DAB1: variants seen among roughly 807,000 people sequenced by gnomAD.
DAB1 encodes DAB adaptor protein 1.
A neutral mutation model predicts 64.6 loss-of-function variants in DAB1; 15 were observed. The observed-to-expected ratio is 0.23, with a 90% CI of 0.16 to 0.36. The LOEUF is 0.36. Ranked by LOEUF, DAB1 falls within the 10% of genes least tolerant of loss-of-function variation. The pLI is 1.00. For synonymous variants in DAB1, 235 were observed against 251.9 expected, an observed-to-expected ratio of 0.93 and a Z score of 0.64; for missense variants, 596 against 706.7, an observed-to-expected ratio of 0.84 and a Z score of 1.78.
intron 5 of DAB1, among the ~76,000 whole-genome samples, chr1:58,032,177 A>G (rs72667917): frequency 0.11 from 16,681 of 152,112 alleles, 1,276 homozygotes; most frequent in Admixed American, 0.25. Context: ...GCATTTTAAC[A>G]AGACGCCAGG....
rs1373065757 is a variant in DAB1 at position 57,620,381 on chromosome 1, T to A, written n.625+29211A>T. On this transcript the variant is annotated intron_variant and non_coding_transcript_variant, in intron 7 of 20. Coordinates refer to the DAB1 transcript ENST00000485760. Reference sequence around the variant, plus strand: ...GGGTTAAACGAGAATGATAGGTCCCTCTGGACTTGTTTCCAGGACTCCAGG... The same window carrying A: ...GGGTTAAACGAGAATGATAGGTCCCACTGGACTTGTTTCCAGGACTCCAGG... 2.6e-5 allele frequency among the ~76,000 whole-genome samples: 4 copies of A among 152,228 alleles called. No homozygotes were observed. In the East Asian group the frequency reaches 7.7e-4, roughly 29 times the overall value.
chr1:58,030,801 C>T (rs561049377), intron 5 of DAB1, among the ~76,000 whole-genome samples: 1 of 152,332 alleles, frequency 6.6e-6, no homozygotes, highest in African/African-American at 2.4e-5. Context: ...AGACATCAGC[C>T]TTTCATTCAT....
upstream of DAB1, among the ~76,000 whole-genome samples, chr1:57,885,339 T>G (rs1644206095): frequency 6.6e-6 from 1 of 152,222 alleles, no homozygotes; most frequent in African/African-American, 2.4e-5. Context: ...ACCACAGCTA[T>G]GAAGGGCAGA....
intron 1 of DAB1, among the ~76,000 whole-genome samples, chr1:57,869,327 A>G (rs2101954146): frequency 6.6e-6 from 1 of 152,266 alleles, no homozygotes; most frequent in East Asian, 1.9e-4. Flanking sequence ...TTGGAATGGA[A>G]GTTTCCTACA....
intron 10 of DAB1, among the ~76,000 whole-genome samples, chr1:57,024,717 T>G (rs1646731030): frequency 6.6e-6 from 1 of 152,206 alleles, no homozygotes; most frequent in African/African-American, 2.4e-5. Flanking sequence ...TCTCTGGGAC[T>G]CAGTTTGCTC....
At chr1:57,315,377 T>A (rs1473306995) in intron 1 of DAB1, among the ~76,000 whole-genome samples, 1 of 152,210 alleles carries the variant, frequency 6.6e-6, no homozygotes, top group Admixed American at 6.5e-5. Flanking sequence ...GCCACTGCAA[T>A]GAATATAGCA....
chr1:58,129,318 T>A (rs1427543768), intron 5 of DAB1, among the ~76,000 whole-genome samples: 1 of 150,592 alleles, frequency 6.6e-6, no homozygotes, highest in East Asian at 2.0e-4. Context: ...CTTTATCATT[T>A]TTTATTGTGT....
rs67005172 is a variant in DAB1, at chr1:57,812,319, C to CA, written n.551+71679dup. Among the ~76,000 whole-genome samples, 541 of 100,988 alleles carry CA rather than the reference C, an allele frequency of 5.4e-3. 2 individuals carry two copies. The highest frequency in any genetic ancestry group is 0.019 in the Middle Eastern group (4 of 214). The allele number at this position is 100,988 out of a possible 152,430, so 66.3% of individuals were successfully genotyped here. A position where few individuals can be genotyped will look rare whatever the true frequency, so the allele number is the denominator to read the frequency against. On this transcript the variant is annotated intron_variant and non_coding_transcript_variant, in intron 6 of 20. Transcript: ENST00000485760. ...AAACACACAACCTGGGATTCATTGC[C>CA]AAAAAAAAAAAAAAAAAAAGAAAGA...
intron 11 of DAB1, among the ~76,000 whole-genome samples, chr1:57,022,520 A>T (rs1035431426): frequency 6.6e-6 from 1 of 152,220 alleles, no homozygotes; most frequent in Non-Finnish European, 1.5e-5. Context: ...GTTCATAATG[A>T]TCCCTTAGCT....
In DAB1 at chr1:57,133,763, C is replaced by T. The variant is rs184528427; in HGVS notation, c.306+2780G>A. On this transcript the variant is annotated intron_variant, in intron 4 of 14. Coordinates refer to ENST00000371236, the MANE Select transcript of DAB1 (RefSeq NM_001365792.1). The stretch of plus-strand genomic sequence containing the variant: ...GGTTTTTAAAAAAAGTGCAGTCAAG[C>T]TTGAGCAAAAATACCACAGATGAGA... Among the ~76,000 whole-genome samples the T allele has an allele frequency of 2.0e-5, 3 of 152,216 alleles. No individual in the cohort carries two copies. The East Asian group carries it at 5.8e-4, about 29-fold the overall frequency.
chr1:57,761,945 A>G (rs1026300965), intron 6 of DAB1, among the ~76,000 whole-genome samples: 1 of 152,182 alleles, frequency 6.6e-6, no homozygotes, highest in African/African-American at 2.4e-5. Flanking sequence ...GCCGAAGGGA[A>G]GAGTGATTTC....
At position 58,515,434 on chromosome 1, in the gene DAB1, A is replaced by T. The variant is rs909758140; in HGVS notation, n.108-9225T>A. On this transcript the variant is annotated intron_variant and non_coding_transcript_variant, in intron 2 of 20. Transcript: ENST00000485760. The stretch of plus-strand genomic sequence containing the variant: ...TCAATATAATAAATTAAGTTTTAAT[A>T]AATTTTCATGTTACTTTTTTCCCTC... Among the ~76,000 whole-genome samples, 3 of 152,232 alleles carry T rather than the reference A, an allele frequency of 2.0e-5. No homozygotes were observed. The South Asian group carries it at 6.2e-4, about 32-fold the overall frequency.
chr1:57,527,724 T>C (rs1022310352), intron 7 of DAB1, among the ~76,000 whole-genome samples: 1 of 152,188 alleles, frequency 6.6e-6, no homozygotes, highest in African/African-American at 2.4e-5. Context: ...AACAAAATTA[T>C]ATTTTCATAT....
At chr1:57,457,746 G>C (rs1686650480) in intron 7 of DAB1, among the ~76,000 whole-genome samples, 1 of 151,964 alleles carries the variant, frequency 6.6e-6, no homozygotes, top group East Asian at 1.9e-4. Context: ...ACTCCCAGAG[G>C]GAGAAAAATA....
intron 6 of DAB1, among the ~76,000 whole-genome samples, chr1:57,762,792 C>G (rs192590236): frequency 6.6e-6 from 1 of 152,192 alleles, no homozygotes; most frequent in Admixed American, 6.5e-5. Flanking sequence ...TTGCCCAGAG[C>G]CTGGATCGCC....
chr1:57,111,907 G>C (rs1655696502), intron 4 of DAB1, among the ~76,000 whole-genome samples: 1 of 152,156 alleles, frequency 6.6e-6, no homozygotes, highest in Non-Finnish European at 1.5e-5. Context: ...GTCGGGTTAG[G>C]TGTTCAGGAG....
At chr1:58,336,326 A>G (rs558773671) in intron 4 of DAB1, among the ~76,000 whole-genome samples, 12 of 152,320 alleles carry the variant, frequency 7.9e-5, no homozygotes, top group African/African-American at 2.6e-4. Context: ...TTCTGATCTC[A>G]AAAGAAAGAA....
At chr1:57,362,147 A>G (rs967317449) in intron 1 of DAB1, among the ~76,000 whole-genome samples, 12 of 152,262 alleles carry the variant, frequency 7.9e-5, no homozygotes, top group African/African-American at 2.9e-4. Flanking sequence ...AATATACCCC[A>G]GATTGGTTCT....
At chr1:57,673,759 G>GA (rs1271277217) in intron 6 of DAB1, among the ~76,000 whole-genome samples, 3 of 151,968 alleles carry the variant, frequency 2.0e-5, no homozygotes, top group African/African-American at 4.8e-5. Context: ...TTTCAGATTT[G>GA]AAAAAACTAA....
Sources: gnomAD v4.1 joint callset for allele counts (sites outside exome capture counted in the v4.1 genomes callset) on GRCh38, gnomAD v4.1.1 for gene constraint, MANE v1.5 for transcripts, NCBI Gene and HGNC (gene_info 2026-07-23, HGNC 2026-07-21) for gene names.